ANAPC10: variants seen among roughly 807,000 people sequenced by gnomAD.
ANAPC10 encodes anaphase promoting complex subunit 10, also known as anaphase-promoting complex subunit 10.
A neutral mutation model predicts 22.0 loss-of-function variants in ANAPC10; 12 were observed. The observed-to-expected ratio is 0.55, with a 90% CI of 0.35 to 0.88. The LOEUF is 0.88. Among genes scored for constraint, ANAPC10 ranks in the 40% least tolerant of loss-of-function variants. The pLI, the probability that ANAPC10 is intolerant of heterozygous loss-of-function variation, is 0.01. For synonymous variants in ANAPC10, 65 were observed against 69.5 expected, an observed-to-expected ratio of 0.94 and a Z score of 0.32; for missense variants, 188 against 220.9, an observed-to-expected ratio of 0.85 and a Z score of 0.94.
chr4:145,073,625 A>G (rs1744797323), intron 3 of ANAPC10, among the ~76,000 whole-genome samples: 1 of 152,104 alleles, frequency 6.6e-6, no homozygotes, highest in Non-Finnish European at 1.5e-5. Context: ...ATTACTATCA[A>G]TGTTTTCATT....
chr4:145,086,998 CT>C (rs1162385994), intron 2 of ANAPC10, among the ~76,000 whole-genome samples: 2 of 151,894 alleles, frequency 1.3e-5, no homozygotes, highest in Non-Finnish European at 2.9e-5. Context: ...TCATGACTTA[CT>C]TCAGTCAATA....
intron 4 of ANAPC10, among the ~76,000 whole-genome samples, chr4:145,053,528 A>T (rs1268799826): frequency 1.3e-5 from 2 of 152,210 alleles, no homozygotes; most frequent in African/African-American, 4.8e-5. Context: ...AACAGATTCT[A>T]AAAAAGTGGT....
intron 4 of ANAPC10, among the ~76,000 whole-genome samples, chr4:145,061,267 T>C (rs1414729111): frequency 6.6e-6 from 1 of 152,194 alleles, no homozygotes; most frequent in Non-Finnish European, 1.5e-5. Flanking sequence ...TAAAAGTATT[T>C]TACAAGGTCC....
chr4:145,083,186 T>G (rs1746338864), intron 2 of ANAPC10, among the ~76,000 whole-genome samples: 3 of 152,150 alleles, frequency 2.0e-5, no homozygotes, highest in Admixed American at 2.0e-4. Flanking sequence ...TGATATCACA[T>G]TAACTATGTG....
At position 145,074,728 on chromosome 4, in the gene ANAPC10, A is replaced by T. The variant is rs148658579; in HGVS notation, c.206+6932T>A. The stretch of plus-strand genomic sequence containing the variant: ...TAACCACCATCTATACAAATAAATA[A>T]CCAGGTTCAAAATTTTTCTGACAGG... On this transcript the variant is annotated intron_variant, in intron 3 of 4. Transcript: ENST00000507656. Among the ~76,000 whole-genome samples, 24 of 152,298 alleles carry T rather than the reference A, an allele frequency of 1.6e-4. No homozygotes were observed. The East Asian group carries it at 4.2e-3, about 27-fold the overall frequency.
chr4:145,008,002 A>T (rs1321876940), intron 4 of ANAPC10, among the ~76,000 whole-genome samples: 1 of 152,176 alleles, frequency 6.6e-6, no homozygotes, highest in Non-Finnish European at 1.5e-5. Flanking sequence ...GATAAAGGGG[A>T]TATCACCACC....
At chr4:145,002,561 TAA>T (rs1025745625) in intron 4 of ANAPC10, among the ~76,000 whole-genome samples, 5 of 152,100 alleles carry the variant, frequency 3.3e-5, no homozygotes, top group African/African-American at 1.2e-4. Flanking sequence ...ACTTATTTTT[TAA>T]AAAAGACGCA....
chr4:145,054,603 TAG>T (rs1491193653), intron 4 of ANAPC10, among the ~76,000 whole-genome samples: 4 of 65,686 alleles, frequency 6.1e-5, no homozygotes, highest in Non-Finnish European at 1.1e-4. Flanking sequence ...ACATACTGAA[TAG>T]TGTGTGTGTG....
Position 144,994,677 on chromosome 4 carries a change from T to C in ANAPC10, c.*696A>G, listed in dbSNP as rs1003786010. ...GAATGCTACAATGTCAGACACAAAT[T>C]TGAAAATAACTCTTCCATAAGTACT... On this transcript the variant is annotated 3_prime_UTR_variant, in exon 5 of 5. Transcript: ENST00000507656. 2 of 152,070 alleles carry C rather than the reference T, an allele frequency of 1.3e-5. No homozygotes were observed. The highest frequency in any genetic ancestry group is 1.9e-4 in the East Asian group (1 of 5,200). 9.4% of individuals were successfully genotyped at this position (152,070 alleles called of 1,614,324 possible). A position where few individuals can be genotyped will look rare whatever the true frequency, so the allele number is the denominator to read the frequency against.
At chr4:145,078,066 G>A (rs1745438636) in intron 3 of ANAPC10, among the ~76,000 whole-genome samples, 1 of 152,128 alleles carries the variant, frequency 6.6e-6, no homozygotes, top group Non-Finnish European at 1.5e-5. Flanking sequence ...CAAATAGGAA[G>A]AGAGGAAGTC....
At chr4:145,023,293 T>C (rs1736220677) in intron 4 of ANAPC10, among the ~76,000 whole-genome samples, 1 of 152,138 alleles carries the variant, frequency 6.6e-6, no homozygotes, top group South Asian at 2.1e-4. Context: ...AGAATAACCG[T>C]TAGCCTTCAG....
intron 4 of ANAPC10, among the ~76,000 whole-genome samples, chr4:145,052,784 A>T (rs1283190309): frequency 2.0e-5 from 3 of 151,438 alleles, no homozygotes; most frequent in Non-Finnish European, 4.4e-5. Context: ...GCTACTCGGG[A>T]GGCTGAGACA....
At chr4:145,007,717 A>G (rs1438685991) in intron 4 of ANAPC10, among the ~76,000 whole-genome samples, 1 of 152,246 alleles carries the variant, frequency 6.6e-6, no homozygotes, top group African/African-American at 2.4e-5. Flanking sequence ...TGCCCACAAG[A>G]GAAAGCAGGA....
At chr4:145,098,247 C>T (rs1748915282), upstream of ANAPC10, 1 of 152,300 alleles carries the variant, frequency 6.6e-6, no homozygotes, top group Non-Finnish European at 1.5e-5. Flanking sequence ...TCCAGGGTTC[C>T]GCCTCACGCT....
chr4:145,085,086 T>C (rs1746661548), intron 2 of ANAPC10, among the ~76,000 whole-genome samples: 1 of 152,026 alleles, frequency 6.6e-6, no homozygotes, highest in African/African-American at 2.4e-5. Context: ...TACCAGCCTG[T>C]GCAACATAGT....
At chr4:145,037,087 G>C (rs1372962913) in intron 4 of ANAPC10, among the ~76,000 whole-genome samples, 1 of 148,928 alleles carries the variant, frequency 6.7e-6, no homozygotes, top group Non-Finnish European at 1.5e-5. Context: ...TGGAGAGCAG[G>C]GAAACACTAA....
rs192558633 is a variant in ANAPC10, at chr4:144,997,412, A to C, written c.328-1809T>G. On this transcript the variant is annotated intron_variant, in intron 4 of 4. Transcript: ENST00000507656. ...TCTCACCAGAAACTCTACAAGCCAGAAGAGAGTGGGGGCCAATATTCAACA... is the reference window on the plus strand; with the variant it reads ...TCTCACCAGAAACTCTACAAGCCAGCAGAGAGTGGGGGCCAATATTCAACA... 3.4e-3 allele frequency among the ~76,000 whole-genome samples: 512 copies of C among 152,344 alleles called. 4 individuals carry two copies. The highest frequency in any genetic ancestry group is 0.026 in the South Asian group (127 of 4,826).
intron 4 of ANAPC10, chr4:145,053,535 T>G: frequency 2.5e-6 from 1 of 404,652 alleles, no homozygotes; most frequent in Non-Finnish European, 4.4e-6. Context: ...TCTAAAAAAG[T>G]GGTGAGATGG....
intron 3 of ANAPC10, among the ~76,000 whole-genome samples, chr4:145,074,734 T>A (rs1388586397): frequency 6.6e-6 from 1 of 152,136 alleles, no homozygotes; most frequent in Non-Finnish European, 1.5e-5. Flanking sequence ...AATAACCAGG[T>A]TCAAAATTTT....
Sources: gnomAD v4.1 joint callset for allele counts (sites outside exome capture counted in the v4.1 genomes callset) on GRCh38, gnomAD v4.1.1 for gene constraint, MANE v1.5 for transcripts, NCBI Gene and HGNC (gene_info 2026-07-23, HGNC 2026-07-21) for gene names.